POU6F2: variants seen among roughly 807,000 people sequenced by gnomAD.
The protein encoded by POU6F2 is POU class 6 homeobox 2, also known as POU domain, class 6, transcription factor 2.
POU6F2 carries 31 observed loss-of-function variants against 71.3 expected under a neutral mutation model. That is an observed-to-expected ratio of 0.43 (90% confidence interval 0.33 to 0.59). The LOEUF (loss-of-function observed/expected upper bound fraction) is 0.59, where lower values mean the gene tolerates loss of function less well. Ranked by LOEUF, POU6F2 falls within the 20% of genes least tolerant of loss-of-function variation. The pLI is 0.04. For synonymous variants in POU6F2, 347 were observed against 355.7 expected (o/e 0.98, Z 0.27); for missense variants, 783 against 856.8 (o/e 0.91, Z 1.07).
At chr7:39,204,940 T>C (rs1162931056) in intron 3 of POU6F2, among the ~76,000 whole-genome samples, 1 of 150,072 alleles carries the variant, frequency 6.7e-6, no homozygotes, top group East Asian at 2.0e-4. Flanking sequence ...TATCATTTAG[T>C]GTGAAGCTTT....
rs140572801 is a variant in POU6F2, at chr7:39,146,113, A to G, written c.278-58122A>G. 4.6e-5 allele frequency among the ~76,000 whole-genome samples: 7 copies of G among 152,322 alleles called. No individual in the cohort carries two copies. In the East Asian group the frequency reaches 1.3e-3, roughly 29 times the overall value. Reference sequence around the variant, plus strand: ...GCTTATCAAATAACCACATGTGCTAAATGTTATGGGAGGAAGAGCACTGGA... The same window carrying G: ...GCTTATCAAATAACCACATGTGCTAGATGTTATGGGAGGAAGAGCACTGGA... On this transcript the variant is annotated intron_variant, in intron 2 of 9. Transcript: ENST00000518318.
intron 4 of POU6F2, among the ~76,000 whole-genome samples, chr7:39,290,476 C>G (rs1784731372): frequency 1.3e-5 from 2 of 152,214 alleles, no homozygotes; most frequent in African/African-American, 4.8e-5. Flanking sequence ...TCCTTTTAAT[C>G]AAGTTCTTCA....
chr7:39,386,918 G>A (rs1478151487), intron 5 of POU6F2, among the ~76,000 whole-genome samples: 3 of 152,154 alleles, frequency 2.0e-5, no homozygotes, highest in Non-Finnish European at 4.4e-5. Context: ...CCTCTGCAGC[G>A]CCCCCTTGCA....
chr7:39,394,170 G>T (rs928447170), intron 5 of POU6F2, among the ~76,000 whole-genome samples: 2 of 152,194 alleles, frequency 1.3e-5, no homozygotes, highest in Non-Finnish European at 2.9e-5. Context: ...TCACAGCTCA[G>T]TCTTAACACG....
chr7:38,983,870 G>T (rs1384735180), intron 1 of POU6F2, among the ~76,000 whole-genome samples: 1 of 152,004 alleles, frequency 6.6e-6, no homozygotes, highest in East Asian at 1.9e-4. Context: ...TTACATTAAA[G>T]GAAATTCTCT....
intron 4 of POU6F2, among the ~76,000 whole-genome samples, chr7:39,238,126 G>A (rs1410211084): frequency 1.3e-5 from 2 of 152,142 alleles, no homozygotes; most frequent in African/African-American, 4.8e-5. Flanking sequence ...GTCCCTAAAT[G>A]TGCATGGAAA....
chr7:39,141,698 T>C (rs1792506895), intron 2 of POU6F2, among the ~76,000 whole-genome samples: 1 of 152,170 alleles, frequency 6.6e-6, no homozygotes, highest in African/African-American at 2.4e-5. Flanking sequence ...CTATCAATAA[T>C]AACCATAATG....
chr7:39,446,366 A>G (rs1338577442), intron 7 of POU6F2, among the ~76,000 whole-genome samples: 1 of 152,022 alleles, frequency 6.6e-6, no homozygotes, highest in Non-Finnish European at 1.5e-5. Flanking sequence ...TCCCATTTGA[A>G]TTTTCTGTTT....
intron 6 of POU6F2, among the ~76,000 whole-genome samples, chr7:39,427,874 G>A (rs1788009563): frequency 1.3e-5 from 2 of 152,304 alleles, no homozygotes; most frequent in Non-Finnish European, 1.5e-5. Flanking sequence ...TTGTCTGAAT[G>A]CCCTGGGCTT....
At chr7:39,315,493 A>G (rs1414554503) in intron 4 of POU6F2, among the ~76,000 whole-genome samples, 2 of 152,220 alleles carry the variant, frequency 1.3e-5, no homozygotes, top group Non-Finnish European at 2.9e-5. Context: ...TGGGGCCAGT[A>G]AATCTGTATT....
At chr7:39,152,258 C>T (rs1364915408) in intron 2 of POU6F2, among the ~76,000 whole-genome samples, 1 of 152,072 alleles carries the variant, frequency 6.6e-6, no homozygotes, top group African/African-American at 2.4e-5. Context: ...ACCAAGAGGC[C>T]AAATTATCTT....
intron 4 of POU6F2, among the ~76,000 whole-genome samples, chr7:39,267,329 A>G (rs913089114): frequency 6.6e-6 from 1 of 152,184 alleles, no homozygotes; most frequent in African/African-American, 2.4e-5. Context: ...TAGTTTTCTT[A>G]TCCTTTGAGC....
At chr7:39,108,292 T>A (rs558112558) in intron 2 of POU6F2, among the ~76,000 whole-genome samples, 1 of 150,784 alleles carries the variant, frequency 6.6e-6, no homozygotes, top group African/African-American at 2.4e-5. Flanking sequence ...TTTTTTTTGC[T>A]CTTTCCCTTT....
intron 1 of POU6F2, among the ~76,000 whole-genome samples, chr7:38,992,267 TG>T (rs962254758): frequency 6.6e-5 from 10 of 152,234 alleles, no homozygotes; most frequent in African/African-American, 2.4e-4. Flanking sequence ...TCTGGGAATT[TG>T]TTTTTTGCGC....
intron 4 of POU6F2, among the ~76,000 whole-genome samples, chr7:39,216,608 T>C (rs1375760787): frequency 3.9e-5 from 6 of 152,168 alleles, no homozygotes; most frequent in Non-Finnish European, 7.3e-5. Flanking sequence ...TGGTTCACTA[T>C]TTGTGTTTGT....
intron 4 of POU6F2, among the ~76,000 whole-genome samples, chr7:39,233,452 A>G (rs1794614719): frequency 6.6e-6 from 1 of 152,230 alleles, no homozygotes; most frequent in African/African-American, 2.4e-5. Context: ...GAAATAAGAT[A>G]CTGCAAAGCT....
chr7:39,441,852 G>T (rs532073278), intron 7 of POU6F2, among the ~76,000 whole-genome samples: 6 of 152,112 alleles, frequency 3.9e-5, no homozygotes, highest in Non-Finnish European at 8.8e-5. Flanking sequence ...TGGTGGACAG[G>T]AATGATGAAG....
intron 2 of POU6F2, among the ~76,000 whole-genome samples, chr7:39,185,827 GTA>G (rs1392426890): frequency 8.0e-6 from 1 of 124,994 alleles, no homozygotes; most frequent in African/African-American, 3.0e-5. Context: ...ATATGTATAT[GTA>G]TATGTATATG....
intron 4 of POU6F2, among the ~76,000 whole-genome samples, chr7:39,321,325 A>G (rs1785385924): frequency 6.6e-6 from 1 of 152,130 alleles, no homozygotes; most frequent in South Asian, 2.1e-4. Flanking sequence ...GCTTTGAAAG[A>G]AGGGTAGGAT....
Sources: allele counts gnomAD v4.1 joint callset (sites outside exome capture counted in the v4.1 genomes callset), GRCh38; gene constraint gnomAD v4.1.1; transcripts MANE v1.5; gene names NCBI Gene and HGNC (gene_info 2026-07-23, HGNC 2026-07-21).